Variants in CMTR1 observed in about 807,000 individuals in gnomAD.
The protein encoded by CMTR1 is cap-specific mRNA (nucleoside-2'-O-)-methyltransferase 1.
A neutral mutation model predicts 107.0 loss-of-function variants in CMTR1; 39 were observed. That is an observed-to-expected ratio of 0.36 (90% CI 0.28 to 0.48). The LOEUF is 0.48. CMTR1 is among the 20% of genes least tolerant of loss of function. CMTR1 has a pLI of 0.99. For synonymous variants in CMTR1, 366 were observed against 379.5 expected (o/e 0.96, Z 0.41); for missense variants, 672 against 1,064.9 (o/e 0.63, Z 5.14).
chr6:37,475,432 G>GGT lies in CMTR1; in HGVS notation c.2036+20_2036+21insGT. 1 of 1,198,116 alleles carries GGT rather than the reference G, an allele frequency of 8.3e-7. No individual in the cohort carries two copies. Among genetic ancestry groups the GGT allele is most frequent in the Non-Finnish European group, 1.2e-6 (1 of 825,326 alleles). The allele number at this position is 1,198,116 out of a possible 1,614,324, so 74.2% of individuals were successfully genotyped here. A position where few individuals can be genotyped will look rare whatever the true frequency, so the allele number is the denominator to read the frequency against. On this transcript the variant is annotated intron_variant, in intron 19 of 23. Transcript: ENST00000373451. Reference sequence around the variant, plus strand: ...CCAGCGGTCTGACCTGGGCCCCAGGGTAGGGAGGGTGGGGGTAGGCCAGGG... The same window carrying GGT: ...CCAGCGGTCTGACCTGGGCCCCAGGGGTTAGGGAGGGTGGGGGTAGGCCAGGG...
chr6:37,471,340 T>G (rs548581596), intron 14 of CMTR1, among the ~76,000 whole-genome samples: 1 of 152,060 alleles, frequency 6.6e-6, no homozygotes, highest in Non-Finnish European at 1.5e-5. Flanking sequence ...TCAGAGGGTG[T>G]AGAGTGGCAT....
chr6:37,479,894 G>A (rs553321887), intron 23 of CMTR1, 119 bp from the exon 24 acceptor site: 32 of 1,031,710 alleles, frequency 3.1e-5, no homozygotes, highest in South Asian at 6.3e-5. Context: ...TTTGCCTGCC[G>A]GGGGAAGAAC....
chr6:37,461,934 C>T (rs773792149), intron 11 of CMTR1, 36 bp from the exon 12 acceptor site: 13 of 1,611,820 alleles, frequency 8.1e-6, no homozygotes, highest in Non-Finnish European at 1.0e-5. Context: ...TGGAATAGAC[C>T]CATTGGCTGC....
intron 21 of CMTR1, 73 bp downstream of exon 21, chr6:37,477,712 C>T (rs1490907164): frequency 1.3e-5 from 10 of 795,792 alleles, no homozygotes; most frequent in East Asian, 1.1e-4. Flanking sequence ...AGTCATCCTC[C>T]GTTTCATAAG....
At position 37,479,116 on chromosome 6, in the gene CMTR1, T is replaced by C; in HGVS notation, c.2267-31T>C. Reference sequence around the variant, plus strand: ...TCCTCCACAAGTGCTTTGTGTCCCTTCTGGGCTTCATCCCCTCTTCCTCCC... The same window carrying C: ...TCCTCCACAAGTGCTTTGTGTCCCTCCTGGGCTTCATCCCCTCTTCCTCCC... On this transcript the variant is annotated intron_variant, in intron 22 of 23. Coordinates refer to ENST00000373451, the MANE Select transcript of CMTR1 (RefSeq NM_015050.3). 3.9e-6 allele frequency: 6 copies of C among 1,519,774 alleles called. 1 individual carries two copies. In the Middle Eastern group the frequency reaches 1.0e-3, roughly 257 times the overall value. 94.1% of individuals were successfully genotyped at this position (1,519,774 alleles called of 1,614,324 possible). A position where few individuals can be genotyped will look rare whatever the true frequency, so the allele number is the denominator to read the frequency against.
intron 13 of CMTR1, among the ~76,000 whole-genome samples, chr6:37,469,532 T>C (rs2113888759): frequency 7.4e-6 from 1 of 135,722 alleles, no homozygotes; most frequent in African/African-American, 2.8e-5. Context: ...TTTTTTTTTT[T>C]TTTTTTTTTT....
chr6:37,449,776 T>G (rs943227666), intron 4 of CMTR1, among the ~76,000 whole-genome samples: 13 of 152,252 alleles, frequency 8.5e-5, no homozygotes, highest in African/African-American at 3.1e-4. Flanking sequence ...GGATTGTTTT[T>G]TGAGTAACAC....
At chr6:37,464,273 G>T (rs1761459157) in intron 13 of CMTR1, among the ~76,000 whole-genome samples, 1 of 151,992 alleles carries the variant, frequency 6.6e-6, no homozygotes, top group African/African-American at 2.4e-5. Context: ...AGACCATCCT[G>T]GCTAACACGG....
chr6:37,433,152 GGGCCGGGACC>G (rs897779698), upstream of CMTR1: 3 of 152,562 alleles, frequency 2.0e-5, no homozygotes, highest in Non-Finnish European at 2.9e-5. Context: ...GCCTTTCCCG[GGGCCGGGACC>G]CGGCCGGGGG....
At chr6:37,430,793 T>G (rs1319220794), upstream of CMTR1, among the ~76,000 whole-genome samples, 1 of 152,096 alleles carries the variant, frequency 6.6e-6, no homozygotes, top group East Asian at 1.9e-4. Context: ...GGTGGGCGGA[T>G]CACGAGGTCA....
chr6:37,452,443 A>T lies in CMTR1; in HGVS notation c.609+566A>T, dbSNP rs574202629. 3.3e-5 allele frequency among the ~76,000 whole-genome samples: 5 copies of T among 152,218 alleles called. No homozygotes were observed. In the East Asian group the frequency reaches 9.6e-4, roughly 29 times the overall value. ...ATGAGCCAGGGAAACTCTGAGGAGG[A>T]AATGGGTTGGTGAAAAAGGCAGGCC... On this transcript the variant is annotated intron_variant, in intron 6 of 23. Transcript: ENST00000373451.
At chr6:37,459,856 G>T (rs139305183) in intron 10 of CMTR1, among the ~76,000 whole-genome samples, 172 bp downstream of exon 10, 3 of 152,302 alleles carry the variant, frequency 2.0e-5, no homozygotes, top group East Asian at 1.9e-4. Flanking sequence ...TGATAATTGT[G>T]TAGAGACTGA....
At chr6:37,447,025 A>G (rs1464618308) in intron 4 of CMTR1, among the ~76,000 whole-genome samples, 2 of 152,240 alleles carry the variant, frequency 1.3e-5, no homozygotes, top group East Asian at 1.9e-4. Context: ...CATGGCACAG[A>G]CAATGTGAGA....
Position 37,466,108 on chromosome 6 carries a change from G to GTTTTTTTTTT in CMTR1, c.1505+3105_1505+3106insTTTTTTTTTT, listed in dbSNP as rs747910111. Reference sequence around the variant, plus strand: ...CTCTATGTTTTTAAAGAGTTTTACAGTTTTTGTTTTTTTTTTTTTTTTTGA... The same window carrying GTTTTTTTTTT: ...CTCTATGTTTTTAAAGAGTTTTACAGTTTTTTTTTTTTTTTGTTTTTTTTTTTTTTTTTGA... On this transcript the variant is annotated intron_variant, in intron 13 of 23. Transcript: ENST00000373451. Among the ~76,000 whole-genome samples the GTTTTTTTTTT allele has an allele frequency of 1.3e-4, 16 of 127,710 alleles. 3 individuals are homozygous for GTTTTTTTTTT. Among genetic ancestry groups the GTTTTTTTTTT allele is most frequent in the Non-Finnish European group, 1.3e-4 (8 of 59,640 alleles). The allele number at this position is 127,710 out of a possible 152,430, so 83.8% of individuals were successfully genotyped here.
intron 13 of CMTR1, among the ~76,000 whole-genome samples, chr6:37,466,108 GTTTTTGT>G (rs1473412307): frequency 2.0e-4 from 25 of 127,746 alleles, no homozygotes; most frequent in South Asian, 7.5e-4. Context: ...GAGTTTTACA[GTTTTTGT>G]TTTTTTTTTT....
chr6:37,435,407 C>T (rs1027440656), intron 1 of CMTR1, among the ~76,000 whole-genome samples: 1 of 152,184 alleles, frequency 6.6e-6, no homozygotes, highest in Non-Finnish European at 1.5e-5. Flanking sequence ...CTGTGAGCAC[C>T]ACATTTTCCA....
In CMTR1 at chr6:37,435,735, C is replaced by T. The variant is rs1237491818; in HGVS notation, c.106C>T (p.Pro36Ser). 1.3e-6 allele frequency: 2 copies of T among 1,597,474 alleles called. No individual in the cohort carries two copies. The highest frequency in any genetic ancestry group is 2.3e-5 in the East Asian group (1 of 43,778). The change falls in exon 2 of 24, where the codon CCC (proline) becomes TCC (serine). Residue 36 changes from proline (P) to serine (S), a missense_variant. Pro to Ser is a moderately conservative substitution (Grantham distance 74). This residue lies in a region of CMTR1 where 89 missense variants were observed against 96.6 expected (regional missense o/e 0.92). Coordinates refer to ENST00000373451, the MANE Select transcript of CMTR1 (RefSeq NM_015050.3). ...SLSSTSDDEPPSSVSHGAKAS... is the reference protein window; with the variant it reads ...SLSSTSDDEPSSSVSHGAKAS... ...CAGCTCCACGTCCGATGATGAACCT[C>T]CCTCCTCTGTCAGTCATGGAGCAAA...
At chr6:37,471,166 A>G (rs1761616395) in intron 14 of CMTR1, 89 bp downstream of exon 14, 2 of 1,234,490 alleles carry the variant, frequency 1.6e-6, no homozygotes. Flanking sequence ...TTTCATTTCA[A>G]CAAACATTTT....
chr6:37,473,657 G>A, intron 17 of CMTR1, 56 bp downstream of exon 17: 1 of 1,581,106 alleles, frequency 6.3e-7, no homozygotes, highest in African/African-American at 1.3e-5. Context: ...GCCCTTTGCG[G>A]AATCTGGACA....
Sources: gnomAD v4.1 joint callset for allele counts (sites outside exome capture counted in the v4.1 genomes callset) on GRCh38, gnomAD v4.1.1 for gene constraint, gnomAD v4.1.1 regional missense constraint, MANE v1.5 for transcripts, NCBI Gene and HGNC (gene_info 2026-07-23, HGNC 2026-07-21) for gene names.